LGR4: variants seen among roughly 807,000 people sequenced by gnomAD.
The protein encoded by LGR4 is leucine rich repeat containing G protein-coupled receptor 4, also known as leucine-rich repeat-containing G protein-coupled receptor 4.
Under a neutral mutation model 84.8 loss-of-function variants are expected in LGR4, and 44 were observed. That is an observed-to-expected ratio of 0.52 (90% confidence interval 0.41 to 0.67). LGR4 has a LOEUF of 0.67. Ranked by LOEUF, LGR4 falls within the 30% of genes least tolerant of loss-of-function variation. The probability of loss-of-function intolerance (pLI) is 0.00; values close to 1 mark genes in which losing one functional copy is unlikely to be tolerated. For missense variants in LGR4, 1,032 were observed against 1,131.4 expected (o/e 0.91, Z 1.26); for synonymous variants, 429 against 434.3 (o/e 0.99, Z 0.15).
intron 4 of LGR4, among the ~76,000 whole-genome samples, chr11:27,387,399 G>A (rs1863206590): frequency 6.6e-6 from 1 of 152,230 alleles, no homozygotes; most frequent in South Asian, 2.1e-4. Flanking sequence ...CTCTGAGGAG[G>A]AGGGTAGTTA....
chr11:27,381,139 A>G (rs1002722531), intron 7 of LGR4, among the ~76,000 whole-genome samples, 173 bp from the exon 8 acceptor site: 6 of 152,198 alleles, frequency 3.9e-5, no homozygotes, highest in African/African-American at 1.4e-4. Flanking sequence ...TTTCAGTATC[A>G]TACCTAATTC....
intron 2 of LGR4, among the ~76,000 whole-genome samples, chr11:27,408,053 T>A (rs1166658504): frequency 6.6e-6 from 1 of 152,128 alleles, no homozygotes; most frequent in East Asian, 1.9e-4. Flanking sequence ...TTAAATATGT[T>A]TGTATATGTT....
At chr11:27,444,302 A>G (rs1864351817) in intron 1 of LGR4, among the ~76,000 whole-genome samples, 1 of 152,214 alleles carries the variant, frequency 6.6e-6, no homozygotes, top group South Asian at 2.1e-4. Flanking sequence ...AGACAGGCAG[A>G]AGAGTGCCAA....
chr11:27,377,822 G>A (rs1863015470), intron 11 of LGR4, among the ~76,000 whole-genome samples: 1 of 152,074 alleles, frequency 6.6e-6, no homozygotes, highest in African/African-American at 2.4e-5. Flanking sequence ...CTAAATTATA[G>A]TCATGACCCA....
intron 2 of LGR4, among the ~76,000 whole-genome samples, chr11:27,394,378 C>G (rs917666375): frequency 6.6e-6 from 1 of 152,068 alleles, no homozygotes; most frequent in Admixed American, 6.6e-5. Flanking sequence ...AGCTTTATCA[C>G]TACATTTTTT....
In LGR4 at chr11:27,385,403, C is replaced by T. The variant is rs143913282; in HGVS notation, c.467G>A (p.Arg156Gln). The T allele has an allele frequency of 1.1e-3, 1,755 of 1,611,926 alleles. 22 individuals carry two copies. The highest frequency in any genetic ancestry group is 2.5e-4 in the Non-Finnish European group (300 of 1,179,350). ...GCTGTTGTCATCCAGCCACAGATGC[C>T]GTAACTGAACAAGTCCTTCAAAACT... ...EDSFEGLVQL[R>Q]HLWLDDNSLT... Residue 156 changes from arginine (R) to glutamine (Q), a missense_variant, in exon 5 of 18, where the codon CGG becomes CAG. Transcript: ENST00000379214.
intron 1 of LGR4, among the ~76,000 whole-genome samples, chr11:27,437,297 A>AT (rs575973670): frequency 7.1e-4 from 106 of 148,294 alleles, no homozygotes; most frequent in Admixed American, 3.6e-3. Context: ...GTTTTGGCCA[A>AT]TTTTTTTTTT....
At chr11:27,407,951 T>C (rs1863642778) in intron 2 of LGR4, among the ~76,000 whole-genome samples, 1 of 152,052 alleles carries the variant, frequency 6.6e-6, no homozygotes, top group South Asian at 2.1e-4. Flanking sequence ...GAAATTGGAG[T>C]GAAGGGTATA....
chr11:27,384,515 TATC>T, intron 5 of LGR4, 108 bp from the exon 6 acceptor site: 1 of 762,450 alleles, frequency 1.3e-6, no homozygotes, highest in Non-Finnish European at 2.2e-6. Flanking sequence ...TAGCTAAACA[TATC>T]AACAGCTAAA....
intron 1 of LGR4, among the ~76,000 whole-genome samples, chr11:27,463,202 T>C (rs1160350582): frequency 6.6e-6 from 1 of 151,322 alleles, no homozygotes; most frequent in East Asian, 2.0e-4. Context: ...CAGTGAGCCA[T>C]GATTGTGCCA....
chr11:27,402,478 G>T (rs1863522529), intron 2 of LGR4, among the ~76,000 whole-genome samples: 1 of 152,136 alleles, frequency 6.6e-6, no homozygotes, highest in Admixed American at 6.5e-5. Context: ...CCCTGGAATA[G>T]TTCTACCACC....
At chr11:27,374,155 T>C (rs1862934465) in intron 13 of LGR4, 109 bp from the exon 14 acceptor site, 3 of 738,510 alleles carry the variant, frequency 4.1e-6, no homozygotes, top group Middle Eastern at 2.6e-4. Flanking sequence ...GCTGATAAGA[T>C]AACAAAGATC....
chr11:27,395,605 T>C (rs1196320072), intron 2 of LGR4, among the ~76,000 whole-genome samples: 1 of 152,166 alleles, frequency 6.6e-6, no homozygotes, highest in East Asian at 1.9e-4. Context: ...TATCCTGAAA[T>C]ACAAGCCAAC....
At position 27,472,683 on chromosome 11, in the gene LGR4, C is replaced by T. The variant is rs1297043746; in HGVS notation, c.-381G>A. On this transcript the variant is annotated 5_prime_UTR_variant, in exon 1 of 18. Transcript: ENST00000379214. Reference sequence around the variant, plus strand: ...GCCTTCAGCCATGCCGGCCACTCGCCCCAGCCCCCGCCGTGGCTCTCGCAC... The same window carrying T: ...GCCTTCAGCCATGCCGGCCACTCGCTCCAGCCCCCGCCGTGGCTCTCGCAC... The T allele has an allele frequency of 2.8e-6, 1 of 359,470 alleles. No homozygotes were observed. 22.3% of individuals were successfully genotyped at this position (359,470 alleles called of 1,614,324 possible). A position where few individuals can be genotyped will look rare whatever the true frequency, so the allele number is the denominator to read the frequency against.
intron 2 of LGR4, among the ~76,000 whole-genome samples, chr11:27,408,530 T>C (rs1358834063): frequency 6.6e-6 from 1 of 152,100 alleles, no homozygotes; most frequent in East Asian, 1.9e-4. Context: ...CTTTCTGCTG[T>C]TCCTAACTCC....
chr11:27,450,926 C>G (rs1295434396), intron 1 of LGR4, among the ~76,000 whole-genome samples: 1 of 152,166 alleles, frequency 6.6e-6, no homozygotes, highest in Non-Finnish European at 1.5e-5. Context: ...TCCAACAAGT[C>G]TGATACCCTG....
rs1463995318 is a variant in LGR4 at position 27,377,144 on chromosome 11, A to G, written c.1109+14T>C. ...TACACCACAACAAAAGGAATAAGTC[A>G]AAGACCAACTCACATTTCTTCCAGA... On this transcript the variant is annotated intron_variant, in intron 12 of 17. Transcript: ENST00000379214. The G allele has an allele frequency of 2.6e-6, 4 of 1,535,044 alleles. No homozygotes were observed. The South Asian group carries it at 4.6e-5, about 18-fold the overall frequency.
At chr11:27,436,384 A>AGC (rs1864211234) in intron 1 of LGR4, among the ~76,000 whole-genome samples, 1 of 129,408 alleles carries the variant, frequency 7.7e-6, no homozygotes, top group Non-Finnish European at 1.6e-5. Flanking sequence ...AGAGAGAGAG[A>AGC]GGATGGGAGG....
intron 7 of LGR4, among the ~76,000 whole-genome samples, chr11:27,381,470 C>A (rs1343602926): frequency 1.3e-5 from 2 of 152,094 alleles, no homozygotes; most frequent in Non-Finnish European, 2.9e-5. Flanking sequence ...TCACTTGAGC[C>A]CAGGAGTTTG....
Sources: gnomAD v4.1 joint callset for allele counts (sites outside exome capture counted in the v4.1 genomes callset) on GRCh38, gnomAD v4.1.1 for gene constraint, MANE v1.5 for transcripts, NCBI Gene and HGNC (gene_info 2026-07-23, HGNC 2026-07-21) for gene names.